Variants in ZDHHC15 observed in about 807,000 individuals in gnomAD.
ZDHHC15 encodes the protein zDHHC palmitoyltransferase 15, also known as palmitoyltransferase ZDHHC15.
In ZDHHC15, 19 loss-of-function variants were observed where a neutral mutation model predicts 31.7. That is an observed-to-expected ratio of 0.60 (90% CI 0.42 to 0.88). The LOEUF (loss-of-function observed/expected upper bound fraction) is 0.88, where lower values mean the gene tolerates loss of function less well. ZDHHC15 is among the 40% of genes least tolerant of loss of function. ZDHHC15 has a pLI of 0.00. For missense variants in ZDHHC15, 209 were observed against 251.2 expected, an observed-to-expected ratio of 0.83 and a Z score of 1.14; for synonymous variants, 103 against 90.0, an observed-to-expected ratio of 1.14 and a Z score of -0.82.
chrX:75,434,169 C>A (rs1272262163), intron 4 of ZDHHC15, among the ~76,000 whole-genome samples: 2 of 111,628 alleles, frequency 1.8e-5, no homozygotes, highest in Middle Eastern at 9.3e-3. Flanking sequence ...AGGTCCTTAG[C>A]CCACTTTTTG....
At chrX:75,486,210 G>A (rs758209306) in intron 2 of ZDHHC15, among the ~76,000 whole-genome samples, 11 of 111,999 alleles carry the variant, frequency 9.8e-5, no homozygotes, top group African/African-American at 2.6e-4. Context: ...TTAACCTTAC[G>A]TAGAGCTGAA....
chrX:75,435,174 T>C (rs956959525), intron 4 of ZDHHC15, among the ~76,000 whole-genome samples: 5 of 112,056 alleles, frequency 4.5e-5, no homozygotes, highest in African/African-American at 1.3e-4. Context: ...CTGCTACTGA[T>C]TTGTATACAT....
At chrX:75,396,853 G>C (rs1185254666) in intron 10 of ZDHHC15, among the ~76,000 whole-genome samples, 1 of 111,771 alleles carries the variant, frequency 8.9e-6, no homozygotes, top group Non-Finnish European at 1.9e-5. Flanking sequence ...GGATGGAACT[G>C]GAGGTCATTA....
intron 4 of ZDHHC15, among the ~76,000 whole-genome samples, chrX:75,435,647 T>C (rs1352850537): frequency 8.9e-6 from 1 of 112,486 alleles, no homozygotes; most frequent in Non-Finnish European, 1.9e-5. Context: ...CCACATTTAT[T>C]GACTTGCCTG....
chrX:75,428,201 T>C (rs753362874), intron 7 of ZDHHC15, among the ~76,000 whole-genome samples: 2 of 111,374 alleles, frequency 1.8e-5, no homozygotes, highest in Non-Finnish European at 3.8e-5. Context: ...TCATCATGGA[T>C]GTCTTAGTAA....
At chrX:75,505,903 G>C (rs950886187) in intron 1 of ZDHHC15, 56 bp from the exon 2 acceptor site, 3 of 1,016,197 alleles carry the variant, frequency 3.0e-6, no homozygotes, top group African/African-American at 3.8e-5. Flanking sequence ...GGATGAGAGA[G>C]AGAGAGAGAG....
chrX:75,495,121 G>T (rs1434921262), intron 2 of ZDHHC15, among the ~76,000 whole-genome samples: 2 of 111,582 alleles, frequency 1.8e-5, no homozygotes, highest in Non-Finnish European at 3.8e-5. Context: ...GTGGGCAAAG[G>T]ATTTGAATAG....
intron 2 of ZDHHC15, among the ~76,000 whole-genome samples, chrX:75,489,938 C>T (rs1396421218): frequency 8.0e-5 from 9 of 111,876 alleles, no homozygotes; most frequent in East Asian, 5.6e-4. Context: ...AACTATGTGA[C>T]GAATGCACTA....
At chrX:75,460,160 C>A (rs1258353795) in intron 3 of ZDHHC15, among the ~76,000 whole-genome samples, 1 of 111,989 alleles carries the variant, frequency 8.9e-6, no homozygotes, top group Non-Finnish European at 1.9e-5. Flanking sequence ...CAGGCGTGAG[C>A]CACCACGACT....
intron 10 of ZDHHC15, among the ~76,000 whole-genome samples, chrX:75,398,856 T>C (rs1351917636): frequency 9.0e-6 from 1 of 111,044 alleles, no homozygotes; most frequent in Non-Finnish European, 1.9e-5. Flanking sequence ...GCAGCTGCTC[T>C]ATCAAAACAG....
intron 1 of ZDHHC15, among the ~76,000 whole-genome samples, chrX:75,516,645 C>A (rs1024576161): frequency 1.2e-4 from 13 of 111,885 alleles, no homozygotes; most frequent in African/African-American, 4.2e-4. Context: ...ACAAGAAAAC[C>A]CAGGCAATAC....
intron 11 of ZDHHC15, 25 bp from the exon 12 acceptor site, chrX:75,372,970 C>G (rs940462847): frequency 6.3e-5 from 7 of 111,907 alleles, no homozygotes; most frequent in Non-Finnish European, 1.1e-4. Context: ...AAGAAATTCA[C>G]AGATGAGCTG....
intron 6 of ZDHHC15, among the ~76,000 whole-genome samples, chrX:75,429,742 G>A (rs2083755966): frequency 9.0e-6 from 1 of 111,455 alleles, no homozygotes; most frequent in South Asian, 3.8e-4. Context: ...CATTAGCTTT[G>A]TAACTCCAGG....
At chrX:75,487,819 G>C (rs1186624214) in intron 2 of ZDHHC15, among the ~76,000 whole-genome samples, 1 of 111,715 alleles carries the variant, frequency 9.0e-6, no homozygotes, top group Non-Finnish European at 1.9e-5. Flanking sequence ...GAGAGAAATA[G>C]AGATCATAAA....
At chrX:75,424,521 G>C (rs1191435121) in intron 8 of ZDHHC15, 131 bp downstream of exon 8, 7 of 654,770 alleles carry the variant, frequency 1.1e-5, no homozygotes, top group Admixed American at 4.9e-5. Context: ...ATTTTCATCT[G>C]TCTCAGTCTG....
At chrX:75,445,900 C>G (rs751226214) in intron 4 of ZDHHC15, among the ~76,000 whole-genome samples, 27 of 111,345 alleles carry the variant, frequency 2.4e-4, no homozygotes, top group Non-Finnish European at 2.4e-4. Flanking sequence ...CCAATCCTGT[C>G]TGAAGGGATC....
chrX:75,521,491 A>G (rs1427484668), intron 1 of ZDHHC15, among the ~76,000 whole-genome samples: 1 of 111,017 alleles, frequency 9.0e-6, no homozygotes, highest in Non-Finnish European at 1.9e-5. Context: ...GAAAGTGGGA[A>G]TAATATAAGG....
intron 10 of ZDHHC15, among the ~76,000 whole-genome samples, chrX:75,383,863 C>T (rs1280680713): frequency 3.8e-5 from 4 of 105,771 alleles, no homozygotes; most frequent in Non-Finnish European, 5.8e-5. Context: ...CTCACCCTCC[C>T]GAGTAGCTGG....
chrX:75,493,701 T>A (rs768400051), intron 2 of ZDHHC15, among the ~76,000 whole-genome samples: 27 of 112,162 alleles, frequency 2.4e-4, no homozygotes, highest in Admixed American at 1.1e-3. Flanking sequence ...ATCTCAATAG[T>A]TGCAGAAAAG....
Sources: gnomAD v4.1 joint callset for allele counts (sites outside exome capture counted in the v4.1 genomes callset) on GRCh38, gnomAD v4.1.1 for gene constraint, MANE v1.5 for transcripts, NCBI Gene and HGNC (gene_info 2026-07-23, HGNC 2026-07-21) for gene names.